The following ADGRV1 variants were observed in gnomAD, a reference collection of about 807,000 sequenced individuals.
ADGRV1 encodes the protein G-protein coupled receptor 98.
In ADGRV1, 359 loss-of-function variants were observed where a neutral mutation model predicts 596.2. That is an observed-to-expected ratio of 0.60 (90% CI 0.55 to 0.66). The LOEUF is 0.66. Among genes scored for constraint, ADGRV1 ranks in the 30% least tolerant of loss-of-function variants. The pLI is 0.00. For synonymous variants in ADGRV1, 2,681 were observed against 2,679.2 expected (o/e 1.00, Z -0.02); for missense variants, 7,274 against 7,575.6 (o/e 0.96, Z 1.48).
chr5:90,687,953 T>C (rs373560415), intron 29 of ADGRV1, among the ~76,000 whole-genome samples: 1 of 152,058 alleles, frequency 6.6e-6, no homozygotes, highest in Non-Finnish European at 1.5e-5. Flanking sequence ...AGAATCAATA[T>C]CGTGAAAATG....
intron 42 of ADGRV1, among the ~76,000 whole-genome samples, chr5:90,712,680 T>C (rs929559773): frequency 1.3e-5 from 2 of 152,120 alleles, no homozygotes; most frequent in Non-Finnish European, 2.9e-5. Context: ...TCCTCAGTTA[T>C]TGTAGGATTA....
rs1317303355 is a variant in ADGRV1, at chr5:90,614,854, A to T, written c.42A>T (p.Leu14Phe). The T allele has an allele frequency of 6.2e-7, 1 of 1,610,002 alleles. No homozygotes were observed. Among genetic ancestry groups the T allele is most frequent in the Admixed American group, 1.7e-5 (1 of 59,790 alleles). Residue 14 changes from leucine to phenylalanine, a missense_variant, in exon 2 of 90, where the codon TTA (leucine) becomes TTT (phenylalanine). Transcript: ENST00000405460. ...FLGPGMPSASLLVNLLSALLI... is the reference protein window; with the variant it reads ...FLGPGMPSASFLVNLLSALLI... ...TTTTAGGGATGCCCTCTGCATCTTT[A>T]TTAGTAAATCTTCTTTCAGCTTTAC...
In ADGRV1 at chr5:90,783,205, C is replaced by T. The variant is rs775568653; in HGVS notation, c.13313C>T (p.Ser4438Phe). The change falls in exon 66 of 90, where the codon TCT becomes TTT. Residue 4438 changes from serine to phenylalanine, a missense_variant. This residue lies in a region of ADGRV1 where 3,643 missense variants were observed against 3,809.2 expected (regional missense o/e 0.96). Transcript: ENST00000405460. The part of the protein sequence containing the change: ...TYGYVTADFI[S>F]QSSSASPGGV... ...GGCTATGTGACAGCTGATTTCATCT[C>T]TCAGAGCTCCTCTGCCAGTCCCGGA... 8.1e-6 allele frequency: 13 copies of T among 1,613,512 alleles called. No individual in the cohort carries two copies. In the African/African-American group the frequency reaches 9.3e-5, roughly 12 times the overall value.
intron 9 of ADGRV1, 130 bp from the exon 10 acceptor site, chr5:90,634,984 G>C (rs1765983808): frequency 1.7e-6 from 1 of 594,940 alleles, no homozygotes; most frequent in African/African-American, 1.9e-5. Context: ...TGAGAGAGGA[G>C]GAGAATAACA....
chr5:90,637,593 A>T (rs1766379636), intron 10 of ADGRV1, 132 bp from the exon 11 acceptor site: 7 of 475,176 alleles, frequency 1.5e-5, no homozygotes, highest in South Asian at 7.4e-5. Flanking sequence ...TGCATTTAAT[A>T]GTTCGCTTCT....
chr5:90,936,343 A>G (rs1561968194), intron 83 of ADGRV1, among the ~76,000 whole-genome samples: 1 of 152,138 alleles, frequency 6.6e-6, no homozygotes, highest in Non-Finnish European at 1.5e-5. Flanking sequence ...ATCTAAAAAT[A>G]TATCTATCTA....
chr5:90,957,826 G>T (rs1397868611), intron 83 of ADGRV1, among the ~76,000 whole-genome samples: 2 of 151,284 alleles, frequency 1.3e-5, no homozygotes, highest in Non-Finnish European at 2.9e-5. Context: ...GTTATTGTGA[G>T]GTTTTCATGC....
intron 82 of ADGRV1, 83 bp downstream of exon 82, chr5:90,855,984 C>A: frequency 1.8e-6 from 2 of 1,120,746 alleles, no homozygotes; most frequent in Non-Finnish European, 1.3e-6. Flanking sequence ...TTTACGTATG[C>A]AAGATGCAAA....
chr5:90,748,812 A>ATTTTTTT (rs1561651731), intron 52 of ADGRV1, among the ~76,000 whole-genome samples: 1 of 75,582 alleles, frequency 1.3e-5, no homozygotes, highest in Admixed American at 1.6e-4. Flanking sequence ...TCTATCATCA[A>ATTTTTTT]GTTTTTTTTT....
At chr5:90,665,099 CT>C in intron 21 of ADGRV1, among the ~76,000 whole-genome samples, 1 of 148,260 alleles carries the variant, frequency 6.7e-6, no homozygotes, top group Non-Finnish European at 1.5e-5. Context: ...CTCTGCCTGG[CT>C]TTGGTATCAG....
At chr5:90,830,023 A>G (rs1764395267) in intron 77 of ADGRV1, among the ~76,000 whole-genome samples, 1 of 152,132 alleles carries the variant, frequency 6.6e-6, no homozygotes, top group African/African-American at 2.4e-5. Flanking sequence ...TCACAGTTTC[A>G]TTAAAAGTTC....
chr5:90,793,302 G>T (rs1760287527), intron 70 of ADGRV1: 1 of 152,170 alleles, frequency 6.6e-6, no homozygotes. Context: ...TGCCTAAATT[G>T]TGTAACTCGA....
chr5:91,022,038 A>G (rs1224599835), intron 85 of ADGRV1, among the ~76,000 whole-genome samples: 2 of 152,200 alleles, frequency 1.3e-5, no homozygotes, highest in African/African-American at 2.4e-5. Flanking sequence ...CACAGATTCT[A>G]AAATCATACA....
At chr5:90,773,988 A>G (rs1484874558) in intron 59 of ADGRV1, among the ~76,000 whole-genome samples, 198 bp from the exon 60 acceptor site, 4 of 152,210 alleles carry the variant, frequency 2.6e-5, no homozygotes, top group Non-Finnish European at 5.9e-5. Flanking sequence ...CATTTTCCCC[A>G]TAAAGAACCT....
intron 31 of ADGRV1, among the ~76,000 whole-genome samples, chr5:90,691,550 A>G (rs919400465): frequency 9.2e-5 from 14 of 151,604 alleles, no homozygotes; most frequent in African/African-American, 3.4e-4. Context: ...ATGCCTGGCT[A>G]ATTTTTGTAT....
chr5:90,686,743 C>G (rs1209673875), intron 29 of ADGRV1, among the ~76,000 whole-genome samples: 2 of 152,174 alleles, frequency 1.3e-5, no homozygotes, highest in Non-Finnish European at 2.9e-5. Context: ...AATGGGATGG[C>G]TGGGTCAGAT....
At chr5:90,849,631 C>T (rs1409360314) in intron 79 of ADGRV1, among the ~76,000 whole-genome samples, 1 of 152,150 alleles carries the variant, frequency 6.6e-6, no homozygotes, top group Non-Finnish European at 1.5e-5. Context: ...CTCAAGCGAT[C>T]CACCTGTCTT....
intron 85 of ADGRV1, among the ~76,000 whole-genome samples, chr5:91,071,053 C>G (rs1788346746): frequency 6.6e-6 from 1 of 152,110 alleles, no homozygotes; most frequent in Non-Finnish European, 1.5e-5. Context: ...TGATATGATC[C>G]CTCATCCTTT....
At chr5:90,980,123 C>A (rs925375508) in intron 84 of ADGRV1, among the ~76,000 whole-genome samples, 1 of 152,040 alleles carries the variant, frequency 6.6e-6, no homozygotes, top group Non-Finnish European at 1.5e-5. Context: ...TCATGATATG[C>A]TGGTAATTGT....
Sources: gnomAD v4.1 joint callset for allele counts (sites outside exome capture counted in the v4.1 genomes callset) on GRCh38, gnomAD v4.1.1 for gene constraint, gnomAD v4.1.1 regional missense constraint, MANE v1.5 for transcripts, NCBI Gene and HGNC (gene_info 2026-07-23, HGNC 2026-07-21) for gene names.